Variants in ATP9A observed in about 807,000 individuals in gnomAD.
ATP9A encodes the protein ATPase phospholipid transporting 9A.
ATP9A carries 52 observed loss-of-function variants against 144.1 expected under a neutral mutation model. That is an observed-to-expected ratio of 0.36 (90% CI 0.29 to 0.45). The LOEUF (loss-of-function observed/expected upper bound fraction) is 0.45. Ranked by LOEUF, ATP9A falls within the 20% of genes least tolerant of loss-of-function variation. The pLI, the probability that ATP9A is intolerant of heterozygous loss-of-function variation, is 1.00. For missense variants in ATP9A, 947 were observed against 1,392.7 expected (o/e 0.68, Z 5.09); for synonymous variants, 582 against 557.4 (o/e 1.04, Z -0.62).
intron 23 of ATP9A, among the ~76,000 whole-genome samples, chr20:51,613,259 T>C (rs1244306418): frequency 6.6e-6 from 1 of 152,172 alleles, no homozygotes; most frequent in Non-Finnish European, 1.5e-5. Flanking sequence ...AGGGCCTGAA[T>C]AGTCATTCAG....
intron 12 of ATP9A, 129 bp downstream of exon 12, chr20:51,670,986 G>A (rs2077453309): frequency 1.9e-6 from 2 of 1,043,190 alleles, no homozygotes; most frequent in Non-Finnish European, 2.8e-6. Flanking sequence ...TTCATCAAAA[G>A]ATGAAGGGAA....
chr20:51,684,328 A>G (rs2077512856), intron 9 of ATP9A, among the ~76,000 whole-genome samples: 2 of 152,226 alleles, frequency 1.3e-5, no homozygotes, highest in Admixed American at 1.3e-4. Context: ...CAATTCTTAC[A>G]AATTATTTTT....
chr20:51,626,420 C>A (rs564563414), intron 17 of ATP9A, among the ~76,000 whole-genome samples: 1 of 151,188 alleles, frequency 6.6e-6, no homozygotes, highest in Non-Finnish European at 1.5e-5. Context: ...ATCCAGGAGG[C>A]AGAGGTTGCA....
intron 13 of ATP9A, among the ~76,000 whole-genome samples, chr20:51,668,439 G>A (rs1191347854): frequency 1.3e-5 from 2 of 152,016 alleles, no homozygotes; most frequent in African/African-American, 2.4e-5. Flanking sequence ...TCCAGGTCAG[G>A]CCTAGAGATG....
At chr20:51,725,069 T>A (rs552951134) in intron 3 of ATP9A, among the ~76,000 whole-genome samples, 3 of 152,276 alleles carry the variant, frequency 2.0e-5, no homozygotes, top group South Asian at 4.2e-4. Context: ...TTGAGTCCCA[T>A]GTTAGTGCTC....
chr20:51,696,008 C>T (rs2077569178), intron 6 of ATP9A, 85 bp downstream of exon 6: 2 of 1,278,968 alleles, frequency 1.6e-6, no homozygotes, highest in Non-Finnish European at 2.3e-6. Context: ...TGATAATCTA[C>T]TTTGTGACAT....
chr20:51,696,229 A>T, intron 5 of ATP9A, 85 bp from the exon 6 acceptor site: 4 of 1,285,882 alleles, frequency 3.1e-6, no homozygotes, highest in Non-Finnish European at 4.5e-6. Context: ...CCCCACCCCC[A>T]ACCCCTCGGT....
Position 51,704,182 on chromosome 20 carries a change from T to TAAAAAAAAAAAAAAAAAA in ATP9A, c.437-6718_437-6701dup, listed in dbSNP as rs11086355. On this transcript the variant is annotated intron_variant, in intron 4 of 27. Coordinates refer to ENST00000338821, the MANE Select transcript of ATP9A (RefSeq NM_006045.3). ...GGCTTTTGTTTAAATAGTGGGAACT[T>TAAAAAAAAAAAAAAAAAA]AAAAAAAAAAAAAAAAAAGGCTGCA... is the stretch of plus-strand genomic sequence containing the variant. 1.5e-5 allele frequency among the ~76,000 whole-genome samples: 2 copies of TAAAAAAAAAAAAAAAAAA among 130,506 alleles called. 1 individual carries two copies. The highest frequency in any genetic ancestry group is 5.5e-5 in the African/African-American group (2 of 36,276). The allele number at this position is 130,506 out of a possible 152,430, so 85.6% of individuals were successfully genotyped here.
At chr20:51,689,918 C>T (rs1417621956) in intron 8 of ATP9A, among the ~76,000 whole-genome samples, 1 of 150,074 alleles carries the variant, frequency 6.7e-6, no homozygotes, top group Non-Finnish European at 1.5e-5. Context: ...CAAGACTAGC[C>T]TGGCCAACAT....
At chr20:51,680,815 T>C (rs1280751382) in intron 9 of ATP9A, among the ~76,000 whole-genome samples, 1 of 152,136 alleles carries the variant, frequency 6.6e-6, no homozygotes, top group Non-Finnish European at 1.5e-5. Context: ...CTCAGTGAGA[T>C]GCAGGGGAAA....
intron 1 of ATP9A, among the ~76,000 whole-genome samples, chr20:51,758,987 C>T (rs996069667): frequency 6.6e-6 from 1 of 152,232 alleles, no homozygotes; most frequent in African/African-American, 2.4e-5. Context: ...CATGTCCACA[C>T]TCCATCCTTC....
chr20:51,670,186 T>A, intron 12 of ATP9A, 77 bp from the exon 13 acceptor site: 1 of 1,175,792 alleles, frequency 8.5e-7, no homozygotes, highest in Non-Finnish European at 1.3e-6. Flanking sequence ...ACAGCTGCCA[T>A]CTTTGGAGAG....
In ATP9A at chr20:51,674,409, A is replaced by G. The variant is rs1601096663; in HGVS notation, c.877-96T>C. ...TGGAGGCTGCAGTGAGCTGAGCCTC[A>G]CTGCACTAACTCAGCCTGCCGGAGA... On this transcript the variant is annotated intron_variant, in intron 10 of 27. Coordinates refer to ENST00000338821, the MANE Select transcript of ATP9A (RefSeq NM_006045.3). 4 of 1,278,390 alleles carry G rather than the reference A, an allele frequency of 3.1e-6. No individual in the cohort carries two copies. In the South Asian group the frequency reaches 5.4e-5, roughly 17 times the overall value. The allele number at this position is 1,278,390 out of a possible 1,614,324, so 79.2% of individuals were successfully genotyped here.
chr20:51,609,598 GTGACACCATCTC>G (rs1350744791), intron 24 of ATP9A, among the ~76,000 whole-genome samples: 5 of 152,174 alleles, frequency 3.3e-5, no homozygotes, highest in Non-Finnish European at 7.3e-5. Flanking sequence ...AAAGGCCCAA[GTGACACCATCTC>G]TGTCACTGTG....
chr20:51,641,692 G>C (rs181579855), intron 14 of ATP9A, among the ~76,000 whole-genome samples: 39 of 151,670 alleles, frequency 2.6e-4, no homozygotes, highest in African/African-American at 9.2e-4. Context: ...TAAGCTGGGC[G>C]TGGTGGCAGG....
chr20:51,654,105 C>A (rs1255623436), intron 14 of ATP9A, among the ~76,000 whole-genome samples: 2 of 152,178 alleles, frequency 1.3e-5, no homozygotes, highest in African/African-American at 4.8e-5. Context: ...CTCCCCCTCT[C>A]TCTTTCTGCA....
chr20:51,694,646 T>C (rs955549183), intron 6 of ATP9A, among the ~76,000 whole-genome samples: 1 of 152,166 alleles, frequency 6.6e-6, no homozygotes, highest in Non-Finnish European at 1.5e-5. Flanking sequence ...AAAGAGCTGA[T>C]TCGTGCGCAG....
intron 2 of ATP9A, among the ~76,000 whole-genome samples, chr20:51,728,883 T>C (rs1459964509): frequency 6.6e-6 from 1 of 151,872 alleles, no homozygotes; most frequent in Non-Finnish European, 1.5e-5. Flanking sequence ...AGCTGATTGC[T>C]ACTGCTGCTT....
At chr20:51,605,646 G>C (rs2122705647) in intron 26 of ATP9A, among the ~76,000 whole-genome samples, 1 of 151,452 alleles carries the variant, frequency 6.6e-6, no homozygotes, top group South Asian at 2.1e-4. Context: ...ATGATGTCGT[G>C]ACTCACACCT....
Sources: allele counts gnomAD v4.1 joint callset (sites outside exome capture counted in the v4.1 genomes callset), GRCh38; gene constraint gnomAD v4.1.1; transcripts MANE v1.5; gene names NCBI Gene and HGNC (gene_info 2026-07-23, HGNC 2026-07-21).